Variants in KCNG3 observed in about 807,000 individuals in gnomAD.
KCNG3 encodes potassium voltage-gated channel modifier subfamily G member 3.
Under a neutral mutation model 29.0 loss-of-function variants are expected in KCNG3, and 15 were observed. The observed-to-expected ratio is 0.52, with a 90% confidence interval of 0.35 to 0.80. KCNG3 has a LOEUF of 0.80. Among genes scored for constraint, KCNG3 ranks in the 30% least tolerant of loss-of-function variants. The pLI is 0.01. For missense variants in KCNG3, 512 were observed against 605.7 expected (o/e 0.85, Z 1.62); for synonymous variants, 322 against 248.9 (o/e 1.29, Z -2.76).
At chr2:42,448,804 C>G (rs1225872042) in intron 1 of KCNG3, among the ~76,000 whole-genome samples, 1 of 152,014 alleles carries the variant, frequency 6.6e-6, no homozygotes, top group Admixed American at 6.6e-5. Context: ...AGTGAAACCC[C>G]GTTCTCTACT....
At chr2:42,477,747 T>C (rs1473306883) in intron 1 of KCNG3, among the ~76,000 whole-genome samples, 2 of 151,794 alleles carry the variant, frequency 1.3e-5, no homozygotes, top group Non-Finnish European at 2.9e-5. Flanking sequence ...AGCATGGTAG[T>C]GCATGTCTGT....
the KCNG3 span, among the ~76,000 whole-genome samples, chr2:42,436,339 C>T: frequency 3.3e-5 from 5 of 152,080 alleles, no homozygotes; most frequent in Admixed American, 3.3e-4. Context: ...TATTAAAAAC[C>T]ACAGAACTGT....
intron 1 of KCNG3, among the ~76,000 whole-genome samples, chr2:42,451,127 C>G (rs181458904): frequency 4.8e-4 from 66 of 137,680 alleles, no homozygotes; most frequent in African/African-American, 1.7e-3. Context: ...ACTGCTTGAA[C>G]CTGAAAGGCA....
At chr2:42,471,155 A>AGTGTGTGTGTGTGTGT (rs565717729) in intron 1 of KCNG3, among the ~76,000 whole-genome samples, 15 of 137,666 alleles carry the variant, frequency 1.1e-4, no homozygotes, top group South Asian at 4.9e-4. Flanking sequence ...GTCTCAAAAA[A>AGTGTGTGTGTGTGTGT]GTGTGTGTGT....
chr2:42,457,627 T>TCACACACTCACACACACA, intron 1 of KCNG3, among the ~76,000 whole-genome samples: 1 of 125,434 alleles, frequency 8.0e-6, no homozygotes, highest in Non-Finnish European at 1.7e-5. Flanking sequence ...CAGGCAGATC[T>TCACACACTCACACACACA]CACACACACA....
chr2:42,400,891 T>C, the KCNG3 span, among the ~76,000 whole-genome samples: 61 of 152,264 alleles, frequency 4.0e-4, no homozygotes, highest in African/African-American at 1.4e-3. Flanking sequence ...TCACCAGTGA[T>C]GCTTGTCCAA....
intron 1 of KCNG3, among the ~76,000 whole-genome samples, chr2:42,479,558 G>A (rs958243851): frequency 1.3e-5 from 2 of 151,342 alleles, no homozygotes; most frequent in South Asian, 2.1e-4. Context: ...AGGCAGGAGG[G>A]TCGCTTGAGC....
chr2:42,391,361 G>A, the KCNG3 span, among the ~76,000 whole-genome samples: 2 of 152,236 alleles, frequency 1.3e-5, no homozygotes, highest in Non-Finnish European at 2.9e-5. Context: ...ATAACTCACA[G>A]CTCACTAGCA....
the KCNG3 span, among the ~76,000 whole-genome samples, chr2:42,430,970 T>G: frequency 2.0e-5 from 3 of 151,570 alleles, no homozygotes; most frequent in African/African-American, 4.9e-5. Flanking sequence ...ATTAGCTGGG[T>G]GTACACGCAC....
rs556145408 is a variant in KCNG3, at chr2:42,443,699, A to C, written c.*235T>G. 1.5e-5 allele frequency: 6 copies of C among 391,812 alleles called. No homozygotes were observed. Among genetic ancestry groups the C allele is most frequent in the Non-Finnish European group, 2.7e-5 (6 of 221,006 alleles). 24.3% of individuals were successfully genotyped at this position (391,812 alleles called of 1,614,324 possible). On this transcript the variant is annotated 3_prime_UTR_variant, in exon 2 of 2. Coordinates refer to ENST00000306078, the MANE Select transcript of KCNG3 (RefSeq NM_133329.6). ...TCAAGGAAACGGGAAAACAAGTCTA[A>C]ATAAAACCGGGTCCTAAAGTTTACT...
downstream of KCNG3, among the ~76,000 whole-genome samples, chr2:42,441,310 C>A (rs1392289912): frequency 6.6e-6 from 1 of 151,990 alleles, no homozygotes; most frequent in Non-Finnish European, 1.5e-5. Flanking sequence ...ACTGCTTGAG[C>A]CCAGGAGTTC....
At chr2:42,457,885 A>C (rs1672919938) in intron 1 of KCNG3, among the ~76,000 whole-genome samples, 1 of 152,208 alleles carries the variant, frequency 6.6e-6, no homozygotes, top group African/African-American at 2.4e-5. Context: ...CTACTTGGGA[A>C]GCTGAGGAAG....
At chr2:42,411,702 C>T in the KCNG3 span, among the ~76,000 whole-genome samples, 1 of 152,124 alleles carries the variant, frequency 6.6e-6, no homozygotes, top group African/African-American at 2.4e-5. Flanking sequence ...AGGCTGGTCT[C>T]GAACTCCTGG....
chr2:42,459,758 T>C lies in KCNG3; in HGVS notation c.666-15179A>G, dbSNP rs564228581. On this transcript the variant is annotated intron_variant, in intron 1 of 1. Transcript: ENST00000306078. ...TTGGGAGGTCAAGGCGGGTGGATCA[T>C]GAGGTCAGGAGATCGAGACCATGCT... Among the ~76,000 whole-genome samples the C allele has an allele frequency of 9.8e-4, 149 of 152,224 alleles. 1 individual carries two copies. Among genetic ancestry groups the C allele is most frequent in the Non-Finnish European group, 1.6e-3 (111 of 67,998 alleles).
intron 1 of KCNG3, among the ~76,000 whole-genome samples, chr2:42,459,120 C>A (rs1000222898): frequency 2.0e-5 from 3 of 150,552 alleles, no homozygotes; most frequent in African/African-American, 7.3e-5. Flanking sequence ...CGCTTGAACC[C>A]GGGATGTGGA....
the KCNG3 span, among the ~76,000 whole-genome samples, chr2:42,402,514 C>T: frequency 5.3e-5 from 8 of 152,312 alleles, no homozygotes; most frequent in Non-Finnish European, 1.2e-4. Context: ...AGTGAGAACC[C>T]ATCTCTAAAA....
chr2:42,461,630 C>T (rs994045849), intron 1 of KCNG3, among the ~76,000 whole-genome samples: 2 of 152,158 alleles, frequency 1.3e-5, no homozygotes, highest in African/African-American at 4.8e-5. Context: ...GGTGGGCCCC[C>T]TTAATCTTCA....
chr2:42,435,818 T>C, the KCNG3 span, among the ~76,000 whole-genome samples: 1 of 152,202 alleles, frequency 6.6e-6, no homozygotes, highest in Non-Finnish European at 1.5e-5. Context: ...TCAGCTGCTT[T>C]GGAAAACAGT....
intron 1 of KCNG3, among the ~76,000 whole-genome samples, chr2:42,472,962 C>T (rs189161816): frequency 0.018 from 2,521 of 143,858 alleles, 65 homozygotes; most frequent in African/African-American, 0.054. Flanking sequence ...AGTGCAGTGG[C>T]GCAATCTCGG....
Sources: allele counts gnomAD v4.1 joint callset (sites outside exome capture counted in the v4.1 genomes callset), GRCh38; gene constraint gnomAD v4.1.1; transcripts MANE v1.5; gene names NCBI Gene and HGNC (gene_info 2026-07-23, HGNC 2026-07-21).